BZW1: variants seen among roughly 807,000 people sequenced by gnomAD.
BZW1 encodes eIF5-mimic protein 2.
BZW1 carries 3 observed loss-of-function variants against 54.1 expected under a neutral mutation model. That is an observed-to-expected ratio of 0.06 (90% CI 0.03 to 0.14). The LOEUF (loss-of-function observed/expected upper bound fraction) is 0.14, where lower values mean the gene tolerates loss of function less well. BZW1 is among the 10% of genes least tolerant of loss of function. The probability of loss-of-function intolerance (pLI) is 1.00; values close to 1 mark genes in which losing one functional copy is unlikely to be tolerated. For missense variants in BZW1, 206 were observed against 491.7 expected (o/e 0.42, Z 5.50); for synonymous variants, 152 against 162.7 (o/e 0.93, Z 0.50).
chr2:200,812,378 C>G, intron 1 of BZW1: 1 of 1,285,760 alleles, frequency 7.8e-7, no homozygotes, highest in African/African-American at 1.5e-5. Context: ...GCCGCCGCCT[C>G]CGCCGCTGCT....
At position 200,824,079 on chromosome 2, in the gene BZW1, A is replaced by G. The variant is rs2038624425; in HGVS notation, c.*1901A>G. 6.6e-6 allele frequency: 1 copy of G among 152,286 alleles called. No homozygotes were observed. The highest frequency in any genetic ancestry group is 2.4e-5 in the African/African-American group (1 of 41,566). The allele number at this position is 152,286 out of a possible 1,614,324, so 9.4% of individuals were successfully genotyped here. A position where few individuals can be genotyped will look rare whatever the true frequency, so the allele number is the denominator to read the frequency against. ...CATTTTATACTGTGTATAGTGAAAA[A>G]GTGTGTCATCTTCCAGAACTACATT... On this transcript the variant is annotated 3_prime_UTR_variant, in exon 12 of 12. Coordinates refer to ENST00000409600, the MANE Select transcript of BZW1 (RefSeq NM_001207067.2).
chr2:200,813,895 C>T (rs1274093067), intron 2 of BZW1, among the ~76,000 whole-genome samples: 1 of 152,030 alleles, frequency 6.6e-6, no homozygotes, highest in Non-Finnish European at 1.5e-5. Context: ...TGTTTTTGGT[C>T]AAAAGCATAT....
At position 200,825,985 on chromosome 2, in the gene BZW1, A is replaced by G. The variant is rs1346353087; in HGVS notation, c.*3807A>G. 1.3e-5 allele frequency: 2 copies of G among 152,218 alleles called. No homozygotes were observed. The highest frequency in any genetic ancestry group is 6.5e-5 in the Admixed American group (1 of 15,278). The allele number at this position is 152,218 out of a possible 1,614,324, so 9.4% of individuals were successfully genotyped here. A position where few individuals can be genotyped will look rare whatever the true frequency, so the allele number is the denominator to read the frequency against. On this transcript the variant is annotated 3_prime_UTR_variant, in exon 12 of 12. Coordinates refer to ENST00000409600, the MANE Select transcript of BZW1 (RefSeq NM_001207067.2). ...TCATGCTCAGTATTAGTCCTCTAGT[A>G]TCAATACGAAGTTTTTCTATTCCCC...
intron 11 of BZW1, among the ~76,000 whole-genome samples, chr2:200,821,843 A>C (rs1341757680): frequency 6.6e-6 from 1 of 152,164 alleles, no homozygotes; most frequent in Non-Finnish European, 1.5e-5. Context: ...GGCTGAGGCG[A>C]TCAGGTCATT....
At chr2:200,812,460 G>A (rs2038108104) in intron 1 of BZW1, 1 of 1,337,156 alleles carries the variant, frequency 7.5e-7, no homozygotes, top group South Asian at 2.0e-5. Flanking sequence ...ACTGTGGTCC[G>A]CTCGTTGCGG....
At chr2:200,821,650 C>T (rs552472986) in intron 11 of BZW1, among the ~76,000 whole-genome samples, 6 of 152,142 alleles carry the variant, frequency 3.9e-5, no homozygotes, top group Admixed American at 1.3e-4. Context: ...CTTCCTGCCT[C>T]AGCCTCACAA....
chr2:200,813,130 C>A, intron 1 of BZW1, 78 bp from the exon 2 acceptor site: 1 of 1,223,356 alleles, frequency 8.2e-7, no homozygotes, highest in Non-Finnish European at 1.2e-6. Flanking sequence ...TCATATGTGA[C>A]TAGACTAAGG....
rs2038265309 is a variant in BZW1 at position 200,815,781 on chromosome 2, A to G, written c.336+20A>G. The G allele has an allele frequency of 1.3e-6, 2 of 1,518,108 alleles. No individual in the cohort carries two copies. Among genetic ancestry groups the G allele is most frequent in the Non-Finnish European group, 8.8e-7 (1 of 1,131,858 alleles). 94.0% of individuals were successfully genotyped at this position (1,518,108 alleles called of 1,614,324 possible). On this transcript the variant is annotated intron_variant, in intron 4 of 11. Transcript: ENST00000409600. ...GCTCAGGTAAATGAAACTTTACATA[A>G]TTGTTTTCAGTTGGCTACTATCCAT...
intron 5 of BZW1, among the ~76,000 whole-genome samples, 161 bp from the exon 6 acceptor site, chr2:200,816,945 C>G (rs1575052996): frequency 6.6e-6 from 1 of 152,106 alleles, no homozygotes; most frequent in African/African-American, 2.4e-5. Flanking sequence ...GTAACTTGCC[C>G]GAGATCATTC....
At chr2:200,815,591 A>G in intron 3 of BZW1, 74 bp downstream of exon 3, 1 of 1,597,726 alleles carries the variant, frequency 6.3e-7, no homozygotes, top group Non-Finnish European at 8.5e-7. Flanking sequence ...AGTCTAGAAT[A>G]TGAACTATTT....
rs1559318450 is a variant in BZW1 at position 200,826,419 on chromosome 2, T to TGA, written c.*4241_*4242insGA. 2.0e-4 allele frequency: 11 copies of TGA among 56,380 alleles called. No individual in the cohort carries two copies. In the East Asian group the frequency reaches 7.7e-3, roughly 39 times the overall value. The allele number at this position is 56,380 out of a possible 1,614,324, so 3.5% of individuals were successfully genotyped here. The stretch of plus-strand genomic sequence containing the variant: ...TAGATAGATAGATATTTTTTTTTTT[T>TGA]TTTTTTTTTTTTTTTTTTTTTTTGA... On this transcript the variant is annotated 3_prime_UTR_variant, in exon 12 of 12. Coordinates refer to ENST00000409600, the MANE Select transcript of BZW1 (RefSeq NM_001207067.2).
At chr2:200,815,250 A>AT in intron 2 of BZW1, 91 bp from the exon 3 acceptor site, 1 of 1,287,446 alleles carries the variant, frequency 7.8e-7, no homozygotes, top group Non-Finnish European at 1.1e-6. Context: ...AATCTAACTT[A>AT]TTTAACAATT....
At chr2:200,819,164 G>A (rs2038409315) in intron 9 of BZW1, 1 of 391,374 alleles carries the variant, frequency 2.6e-6, no homozygotes, top group African/African-American at 2.2e-5. Context: ...GGCAAGGGCA[G>A]GAGGATTGCT....
upstream of BZW1, chr2:200,811,846 G>A (rs1026821160): frequency 1.2e-5 from 2 of 173,760 alleles, no homozygotes; most frequent in Non-Finnish European, 2.4e-5. Context: ...GGGGCAAGGG[G>A]AAGAAATCTC....
chr2:200,826,964 C>A lies in BZW1; in HGVS notation c.*4786C>A, dbSNP rs866763175. ...GCTTTTTTTTTTTTAATCTGAAATC[C>A]TGAAGGCTATGCTTAAAAGTTAGAG... On this transcript the variant is annotated 3_prime_UTR_variant, in exon 12 of 12. Transcript: ENST00000409600. The A allele has an allele frequency of 2.1e-4, 32 of 151,566 alleles. No individual in the cohort carries two copies. Among genetic ancestry groups the A allele is most frequent in the Non-Finnish European group, 4.4e-4 (30 of 67,920 alleles). The allele number at this position is 151,566 out of a possible 1,614,324, so 9.4% of individuals were successfully genotyped here.
chr2:200,817,959 TA>T lies in BZW1; in HGVS notation c.539-14del. The T allele has an allele frequency of 6.6e-7, 1 of 1,522,342 alleles. No individual in the cohort carries two copies. The highest frequency in any genetic ancestry group is 8.9e-7 in the Non-Finnish European group (1 of 1,123,074). The allele number at this position is 1,522,342 out of a possible 1,614,324, so 94.3% of individuals were successfully genotyped here. ...GGGAAGGTACTTCTGTTAATTAAGC[TA>T]TTTTCTTTTACAGGAGTTTCAGCAG... On this transcript the variant is annotated splice_polypyrimidine_tract_variant and intron_variant, in intron 6 of 11. Coordinates refer to ENST00000409600, the MANE Select transcript of BZW1 (RefSeq NM_001207067.2).
At chr2:200,817,872 A>G in intron 6 of BZW1, 102 bp from the exon 7 acceptor site, 1 of 786,022 alleles carries the variant, frequency 1.3e-6, no homozygotes. Context: ...GAGGAAAGTC[A>G]GTAATCCCAT....
intron 3 of BZW1, 42 bp from the exon 4 acceptor site, chr2:200,815,625 A>G: frequency 6.3e-6 from 10 of 1,583,518 alleles, no homozygotes; most frequent in Non-Finnish European, 8.6e-6. Context: ...AAATGGAGTG[A>G]TTTTTTTGGT....
upstream of BZW1, chr2:200,811,868 G>A (rs770348356): frequency 1.1e-5 from 2 of 184,976 alleles, no homozygotes; most frequent in African/African-American, 2.3e-5. Context: ...CGATAGGAGA[G>A]CGGTCCGGGC....
Sources: allele counts gnomAD v4.1 joint callset (sites outside exome capture counted in the v4.1 genomes callset), GRCh38; gene constraint gnomAD v4.1.1; transcripts MANE v1.5; gene names NCBI Gene and HGNC (gene_info 2026-07-23, HGNC 2026-07-21).